Variants in PLEKHA6 observed in about 807,000 individuals in gnomAD.
The protein encoded by PLEKHA6 is pleckstrin homology domain containing A6.
In PLEKHA6, 60 loss-of-function variants were observed where a neutral mutation model predicts 116.7. The observed-to-expected ratio is 0.51, with a 90% confidence interval of 0.42 to 0.64. PLEKHA6 has a LOEUF of 0.64. Among genes scored for constraint, PLEKHA6 ranks in the 30% least tolerant of loss-of-function variants. PLEKHA6 has a pLI of 0.00. For missense variants in PLEKHA6, 1,338 were observed against 1,422.7 expected, an observed-to-expected ratio of 0.94 and a Z score of 0.96; for synonymous variants, 489 against 556.1, an observed-to-expected ratio of 0.88 and a Z score of 1.70.
At chr1:204,338,437 C>T (rs535359405) in intron 1 of PLEKHA6, among the ~76,000 whole-genome samples, 2 of 152,164 alleles carry the variant, frequency 1.3e-5, no homozygotes, top group Non-Finnish European at 2.9e-5. Flanking sequence ...TTCATAAGAA[C>T]TCATTAGTTC....
At position 204,247,378 on chromosome 1, in the gene PLEKHA6, T is replaced by C. The variant is rs1034606893; in HGVS notation, c.1907A>G (p.Asn636Ser). 2.4e-5 allele frequency: 38 copies of C among 1,610,632 alleles called. No individual in the cohort carries two copies. Among genetic ancestry groups the C allele is most frequent in the Non-Finnish European group, 3.2e-5 (38 of 1,177,004 alleles). ...ALHDDLWEQL[N>S]LDTQNEVLNR... is the part of the protein sequence containing the mutation. ...GCCCTTCTTCACCTGGGTGTCCAAA[T>C]TGAGCTGCTCCCAGAGGTCATCGTG... is the stretch of plus-strand genomic sequence containing the variant. Residue 636 changes from asparagine to serine, a missense_variant, in exon 13 of 23, where the codon AAT becomes AGT. By Grantham distance (46) the Asn-to-Ser change is conservative. Coordinates refer to ENST00000272203, the MANE Select transcript of PLEKHA6 (RefSeq NM_014935.5).
At chr1:204,359,244 C>A (rs1673500077) in intron 1 of PLEKHA6, among the ~76,000 whole-genome samples, 1 of 152,066 alleles carries the variant, frequency 6.6e-6, no homozygotes, top group Non-Finnish European at 1.5e-5. Flanking sequence ...CCTGACCCCT[C>A]CCCACGCTGA....
chr1:204,350,219 G>A (rs1045993789), intron 1 of PLEKHA6, among the ~76,000 whole-genome samples: 4 of 152,236 alleles, frequency 2.6e-5, no homozygotes, highest in African/African-American at 9.6e-5. Context: ...TCCTTGGGAG[G>A]CTGAGGTGGG....
Position 204,335,105 on chromosome 1 carries a change from G to T in PLEKHA6, c.-95+24589C>A, listed in dbSNP as rs1672594719. Among the ~76,000 whole-genome samples, 3 of 151,938 alleles carry T rather than the reference G, an allele frequency of 2.0e-5. No homozygotes were observed. In the South Asian group the frequency reaches 6.2e-4, roughly 32 times the overall value. ...TCTCCTAGTTTCCACTAAAGGACTT[G>T]ATCTGGATGAGATCACCTATCCAAG... On this transcript the variant is annotated intron_variant, in intron 1 of 22. Coordinates refer to ENST00000272203, the MANE Select transcript of PLEKHA6 (RefSeq NM_014935.5).
rs145897398 is a variant in PLEKHA6, at chr1:204,277,817, T to G, written c.-94-3008A>C. 69 of 152,338 alleles carry G rather than the reference T, an allele frequency of 4.5e-4. No individual in the cohort carries two copies. Among genetic ancestry groups the G allele is most frequent in the African/African-American group, 1.5e-3 (64 of 41,550 alleles). 9.4% of individuals were successfully genotyped at this position (152,338 alleles called of 1,614,324 possible). ...TTGCTCCCCTCAGACAGCACGGGGT[T>G]GCTTTCCCTCCCTGTGTGGCAGTCC... On this transcript the variant is annotated intron_variant, in intron 1 of 22. Transcript: ENST00000272203. This position sits in a 1 kb window ranked among gnomAD's most constrained non-coding sequence, Gnocchi z 4.1.
At chr1:204,260,180 G>A (rs149432962) in intron 7 of PLEKHA6, among the ~76,000 whole-genome samples, 12 of 152,260 alleles carry the variant, frequency 7.9e-5, no homozygotes, top group East Asian at 3.9e-4. Flanking sequence ...GGCTTGTCAC[G>A]GGGCAGCTGT....
At chr1:204,330,688 C>T (rs1474533797) in intron 1 of PLEKHA6, among the ~76,000 whole-genome samples, 1 of 152,166 alleles carries the variant, frequency 6.6e-6, no homozygotes, top group Non-Finnish European at 1.5e-5. Context: ...ATAGCCAGAT[C>T]CCCTCAGAGC....
intron 1 of PLEKHA6, chr1:204,347,257 A>C: frequency 9.9e-7 from 1 of 1,013,716 alleles, no homozygotes; most frequent in African/African-American, 1.7e-5. Context: ...TGTATTCGTC[A>C]TTTTGGCGAA....
At chr1:204,291,620 GCAT>G (rs1454159503) in intron 1 of PLEKHA6, among the ~76,000 whole-genome samples, 1 of 152,206 alleles carries the variant, frequency 6.6e-6, no homozygotes, top group Non-Finnish European at 1.5e-5. Context: ...GAAATATGCA[GCAT>G]AATGGATGAA....
At position 204,238,389 on chromosome 1, in the gene PLEKHA6, TCTC is replaced by T. The variant is rs1662355771; in HGVS notation, c.2409+2983_2409+2985del. 6.6e-6 allele frequency among the ~76,000 whole-genome samples: 1 copy of T among 152,082 alleles called. No individual in the cohort carries two copies. Among genetic ancestry groups the T allele is most frequent in the Non-Finnish European group, 1.5e-5 (1 of 68,034 alleles). ...CCTGCCATCTTCTGCAGCTAACTAC[TCTC>T]CTTTTGAGAGACACCTGTTGGTCTG... On this transcript the variant is annotated intron_variant, in intron 17 of 22. Transcript: ENST00000272203. This position sits in a 1 kb window ranked among gnomAD's most constrained non-coding sequence, Gnocchi z 4.2.
chr1:204,242,639 G>C (rs1484900855), intron 15 of PLEKHA6, among the ~76,000 whole-genome samples: 1 of 152,234 alleles, frequency 6.6e-6, no homozygotes, highest in Non-Finnish European at 1.5e-5. Flanking sequence ...CAGAACAGGA[G>C]AGAAAAGGGC....
intron 17 of PLEKHA6, among the ~76,000 whole-genome samples, chr1:204,240,073 G>C (rs966823417): frequency 6.6e-6 from 1 of 152,188 alleles, no homozygotes; most frequent in Non-Finnish European, 1.5e-5. Flanking sequence ...GGCTAAGAAG[G>C]GAGTTATAGT....
intron 1 of PLEKHA6, among the ~76,000 whole-genome samples, chr1:204,376,264 T>G (rs11240732): frequency 6.6e-6 from 1 of 152,022 alleles, no homozygotes; most frequent in Non-Finnish European, 1.5e-5. Flanking sequence ...GAGGGGCTCA[T>G]GGAAATTCAC....
intron 9 of PLEKHA6, chr1:204,255,501 C>T: frequency 1.6e-6 from 1 of 631,914 alleles, no homozygotes; most frequent in South Asian, 1.9e-5. Context: ...ACATAAGCCA[C>T]TTTGTTGTGT....
At chr1:204,313,771 G>A (rs1280729611) in intron 1 of PLEKHA6, 11 of 897,840 alleles carry the variant, frequency 1.2e-5, no homozygotes, top group Non-Finnish European at 1.5e-5. Flanking sequence ...CACCATGTAG[G>A]TGTCTAATTA....
chr1:204,270,593 G>A (rs1323460691), intron 3 of PLEKHA6, among the ~76,000 whole-genome samples: 2 of 152,212 alleles, frequency 1.3e-5, no homozygotes. Context: ...GGGCTGATGA[G>A]TCTGTCTTCT....
At chr1:204,230,290 A>G in intron 18 of PLEKHA6, 123 bp downstream of exon 18, 1 of 698,994 alleles carries the variant, frequency 1.4e-6, no homozygotes, top group Non-Finnish European at 2.2e-6. Context: ...CCAGGTGCCC[A>G]GCTTGGGTTC....
intron 1 of PLEKHA6, among the ~76,000 whole-genome samples, chr1:204,329,451 C>CA (rs1672368976): frequency 6.6e-6 from 1 of 152,242 alleles, no homozygotes; most frequent in South Asian, 2.1e-4. Context: ...ATCAAAGAAG[C>CA]AACGTCTAAT....
At chr1:204,303,546 T>C (rs956904420) in intron 1 of PLEKHA6, among the ~76,000 whole-genome samples, 3 of 152,220 alleles carry the variant, frequency 2.0e-5, no homozygotes, top group Non-Finnish European at 4.4e-5. Flanking sequence ...TGCATATATG[T>C]GCACACCAAC....
Sources: allele counts gnomAD v4.1 joint callset (sites outside exome capture counted in the v4.1 genomes callset), GRCh38; gene constraint gnomAD v4.1.1; non-coding constraint Gnocchi (gnomAD v3.1); transcripts MANE v1.5; gene names NCBI Gene and HGNC (gene_info 2026-07-23, HGNC 2026-07-21).